The following USP34 variants were observed in gnomAD, a reference collection of about 807,000 sequenced individuals.
The protein encoded by USP34 is ubiquitin specific peptidase 34, also known as ubiquitin carboxyl-terminal hydrolase 34.
A neutral mutation model predicts 460.3 loss-of-function variants in USP34; 70 were observed. The observed-to-expected ratio is 0.15, with a 90% CI of 0.13 to 0.19. The LOEUF (loss-of-function observed/expected upper bound fraction) is 0.19. Among genes scored for constraint, USP34 ranks in the 10% least tolerant of loss-of-function variants. USP34 has a pLI of 1.00. For missense variants in USP34, 3,985 were observed against 4,236.2 expected (o/e 0.94, Z 1.65); for synonymous variants, 1,647 against 1,405.3 (o/e 1.17, Z -3.85).
intron 1 of USP34, among the ~76,000 whole-genome samples, chr2:61,429,615 T>G (rs938893418): frequency 6.0e-5 from 9 of 150,728 alleles, no homozygotes; most frequent in South Asian, 2.1e-4. Context: ...CAAGACTACC[T>G]CAAAAAAAAA....
At chr2:61,418,985 G>C (rs935730838) in intron 2 of USP34, among the ~76,000 whole-genome samples, 1 of 151,972 alleles carries the variant, frequency 6.6e-6, no homozygotes, top group Admixed American at 6.5e-5. Context: ...ATTAAAATAT[G>C]TGTTTATTAA....
chr2:61,253,170 T>C (rs558042758), intron 48 of USP34, among the ~76,000 whole-genome samples: 2 of 152,272 alleles, frequency 1.3e-5, no homozygotes, highest in Non-Finnish European at 1.5e-5. Context: ...TACAGAGATA[T>C]AAAAGTATAG....
Position 61,293,537 on chromosome 2 carries a change from CCAG to C in USP34, c.4472_4474del (p.Ala1491del). 2 of 1,611,814 alleles carry C rather than the reference CCAG, an allele frequency of 1.2e-6. No homozygotes were observed. The highest frequency in any genetic ancestry group is 1.7e-6 in the Non-Finnish European group (2 of 1,178,818). On this transcript the variant is annotated inframe_deletion, in exon 33 of 80. Transcript: ENST00000398571. ...AATTTCTAATAACTGTTGAAGCCCTCCAGCAGCAACAAACTGTAGGCAATTGTG... is the reference window on the plus strand; with the variant it reads ...AATTTCTAATAACTGTTGAAGCCCTCCAGCAACAAACTGTAGGCAATTGTG...
intron 32 of USP34, among the ~76,000 whole-genome samples, chr2:61,293,801 G>A (rs1050407202): frequency 6.6e-6 from 1 of 152,068 alleles, no homozygotes; most frequent in Non-Finnish European, 1.5e-5. Flanking sequence ...GATGGCTTGA[G>A]GTTAGGACTT....
intron 33 of USP34, among the ~76,000 whole-genome samples, chr2:61,289,354 C>G (rs1689780940): frequency 6.6e-6 from 1 of 152,062 alleles, no homozygotes; most frequent in African/African-American, 2.4e-5. Flanking sequence ...AATAATTCAA[C>G]TGAAACTCTT....
chr2:61,392,422 G>C (rs536777760), intron 5 of USP34, among the ~76,000 whole-genome samples: 1 of 152,200 alleles, frequency 6.6e-6, no homozygotes, highest in East Asian at 1.9e-4. Context: ...TCAGGAGTTC[G>C]AGACCAGCCT....
chr2:61,338,432 C>T (rs759975742), intron 18 of USP34, among the ~76,000 whole-genome samples: 4 of 152,254 alleles, frequency 2.6e-5, no homozygotes, highest in South Asian at 4.1e-4. Flanking sequence ...AACTGCTCAA[C>T]GTATTGCCCT....
At chr2:61,377,865 T>C (rs1016166631) in intron 8 of USP34, among the ~76,000 whole-genome samples, 2 of 152,242 alleles carry the variant, frequency 1.3e-5, no homozygotes, top group Admixed American at 1.3e-4. Flanking sequence ...TAGTACTATA[T>C]GTTCGCATAC....
intron 5 of USP34, among the ~76,000 whole-genome samples, chr2:61,394,533 C>CAAAAAAAAAA (rs200686763): frequency 9.1e-6 from 1 of 110,060 alleles, no homozygotes; most frequent in Non-Finnish European, 1.9e-5. Flanking sequence ...CCCTCTCTCT[C>CAAAAAAAAAA]AAAAAAAAAA....
intron 21 of USP34, among the ~76,000 whole-genome samples, chr2:61,324,684 T>G (rs1286650685): frequency 6.6e-6 from 1 of 152,028 alleles, no homozygotes; most frequent in African/African-American, 2.4e-5. Flanking sequence ...GTGGGATGAC[T>G]GCTTGAGCCG....
chr2:61,234,103 C>T lies in USP34; in HGVS notation c.7033-1571G>A, dbSNP rs531387289. On this transcript the variant is annotated intron_variant, in intron 57 of 79. Coordinates refer to ENST00000398571, the MANE Select transcript of USP34 (RefSeq NM_014709.4). Reference sequence around the variant, plus strand: ...GAACAGGTATGTGACAGCTTATTATCCCTTTCTACTTTTGTCCATGTTTCC... The same window carrying T: ...GAACAGGTATGTGACAGCTTATTATTCCTTTCTACTTTTGTCCATGTTTCC... Among the ~76,000 whole-genome samples, 7 of 152,258 alleles carry T rather than the reference C, an allele frequency of 4.6e-5. No individual in the cohort carries two copies. In the South Asian group the frequency reaches 1.4e-3, roughly 32 times the overall value.
At chr2:61,452,780 G>C (rs1463278667) in intron 1 of USP34, among the ~76,000 whole-genome samples, 2 of 151,618 alleles carry the variant, frequency 1.3e-5, no homozygotes, top group Non-Finnish European at 2.9e-5. Flanking sequence ...CTGCAGTCAG[G>C]AGGCTGACAT....
At chr2:61,272,994 T>C (rs974138377) in intron 41 of USP34, among the ~76,000 whole-genome samples, 12 of 152,116 alleles carry the variant, frequency 7.9e-5, no homozygotes, top group African/African-American at 2.9e-4. Flanking sequence ...TAAAGATAAC[T>C]GAAAACAGTC....
At chr2:61,415,748 T>C (rs1306891059) in intron 2 of USP34, among the ~76,000 whole-genome samples, 1 of 152,216 alleles carries the variant, frequency 6.6e-6, no homozygotes, top group Non-Finnish European at 1.5e-5. Context: ...ACCAATATCA[T>C]ACATATCCTC....
chr2:61,229,368 T>A (rs956826616), intron 59 of USP34, among the ~76,000 whole-genome samples, 180 bp downstream of exon 59: 1 of 148,494 alleles, frequency 6.7e-6, no homozygotes, highest in Non-Finnish European at 1.5e-5. Flanking sequence ...ATGCCTGTAA[T>A]CCTAGCAATT....
chr2:61,379,848 T>A (rs1692921720), intron 7 of USP34, among the ~76,000 whole-genome samples: 1 of 152,246 alleles, frequency 6.6e-6, no homozygotes. Context: ...TAACTGCTTA[T>A]AAAGCCCTCC....
intron 1 of USP34, among the ~76,000 whole-genome samples, chr2:61,449,586 T>C (rs1451601221): frequency 1.3e-5 from 2 of 150,046 alleles, no homozygotes; most frequent in African/African-American, 4.9e-5. Flanking sequence ...GCCACAGCAA[T>C]CAAGACAGTG....
At chr2:61,390,538 G>T (rs551914475) in intron 5 of USP34, among the ~76,000 whole-genome samples, 1 of 152,104 alleles carries the variant, frequency 6.6e-6, no homozygotes, top group Admixed American at 6.5e-5. Context: ...ATTAAAGAAC[G>T]GATCCATATA....
At chr2:61,370,467 G>A (rs559204330) in intron 9 of USP34, 31 bp downstream of exon 9, 2 of 1,610,562 alleles carry the variant, frequency 1.2e-6, no homozygotes, top group South Asian at 2.2e-5. Flanking sequence ...TCTATCAATA[G>A]AACAGAGAAG....
Sources: allele counts gnomAD v4.1 joint callset (sites outside exome capture counted in the v4.1 genomes callset), GRCh38; gene constraint gnomAD v4.1.1; transcripts MANE v1.5; gene names NCBI Gene and HGNC (gene_info 2026-07-23, HGNC 2026-07-21).